Variants in PLS1 observed in about 807,000 individuals in gnomAD.
PLS1 encodes plastin 1.
Under a neutral mutation model 73.7 loss-of-function variants are expected in PLS1, and 32 were observed. The observed-to-expected ratio is 0.43, with a 90% confidence interval of 0.33 to 0.58. PLS1 has a LOEUF of 0.58. Among genes scored for constraint, PLS1 ranks in the 20% least tolerant of loss-of-function variants. The probability of loss-of-function intolerance (pLI) is 0.04; values close to 1 mark genes in which losing one functional copy is unlikely to be tolerated. For synonymous variants in PLS1, 217 were observed against 261.3 expected (o/e 0.83, Z 1.63); for missense variants, 633 against 740.5 (o/e 0.85, Z 1.68).
chr3:142,626,646 C>G (rs2036436220), intron 1 of PLS1, among the ~76,000 whole-genome samples: 1 of 151,898 alleles, frequency 6.6e-6, no homozygotes, highest in Non-Finnish European at 1.5e-5. Context: ...CTTTTTTGCC[C>G]AACATGTGAT....
intron 2 of PLS1, among the ~76,000 whole-genome samples, chr3:142,664,790 C>T (rs1390478762): frequency 1.3e-5 from 2 of 151,984 alleles, no homozygotes; most frequent in Non-Finnish European, 2.9e-5. Context: ...TTTTTAAAGG[C>T]CGTATGCCTT....
At chr3:142,697,838 A>T in intron 11 of PLS1, 115 bp from the exon 12 acceptor site, 1 of 599,142 alleles carries the variant, frequency 1.7e-6, no homozygotes, top group Non-Finnish European at 3.0e-6. Context: ...GTCATTCTTT[A>T]AGAATTAAAT....
rs1410608932 is a variant in PLS1, at chr3:142,711,596, A to C, written c.1725A>C (p.Leu575Phe). Residue 575 changes from leucine (L) to phenylalanine (F), a missense_variant, in exon 15 of 16, where the codon TTA becomes TTC. Coordinates refer to ENST00000457734, the MANE Select transcript of PLS1 (RefSeq NM_001145319.2). ...VRQEMIRREN[L>F]SDEDKLNNAK... ...AAGAAATGATCAGGAGAGAAAACTT[A>C]TCTGATGAGGACAAGCTGAACAATG... 1.2e-6 allele frequency: 2 copies of C among 1,608,964 alleles called. No homozygotes were observed. Among genetic ancestry groups the C allele is most frequent in the South Asian group, 2.2e-5 (2 of 90,408 alleles).
chr3:142,600,974 A>G (rs1403377344), intron 1 of PLS1, among the ~76,000 whole-genome samples: 2 of 115,024 alleles, frequency 1.7e-5, no homozygotes, highest in Non-Finnish European at 1.7e-5. Flanking sequence ...CCCAGGCGGG[A>G]GTGCAGTGGC....
At chr3:142,679,760 C>G (rs2037807724) in intron 6 of PLS1, among the ~76,000 whole-genome samples, 1 of 152,086 alleles carries the variant, frequency 6.6e-6, no homozygotes, top group Non-Finnish European at 1.5e-5. Flanking sequence ...AATGCGGGCT[C>G]TTTTTTGGTT....
At chr3:142,635,660 C>T (rs1288829992) in intron 1 of PLS1, among the ~76,000 whole-genome samples, 3 of 152,074 alleles carry the variant, frequency 2.0e-5, no homozygotes, top group Non-Finnish European at 4.4e-5. Flanking sequence ...CAGTATTGTT[C>T]AGACATCAGT....
At chr3:142,685,847 A>G (rs1369409356) in intron 8 of PLS1, among the ~76,000 whole-genome samples, 1 of 152,204 alleles carries the variant, frequency 6.6e-6, no homozygotes, top group Non-Finnish European at 1.5e-5. Context: ...CCATCTTTGG[A>G]GACAATGACA....
chr3:142,598,544 CCT>C (rs2035852883), intron 1 of PLS1, among the ~76,000 whole-genome samples: 2 of 152,074 alleles, frequency 1.3e-5, no homozygotes, highest in South Asian at 4.2e-4. Context: ...CTGGATTAAG[CCT>C]GTGACTCAAA....
intron 9 of PLS1, among the ~76,000 whole-genome samples, 172 bp from the exon 10 acceptor site, chr3:142,689,446 A>G (rs1023513146): frequency 6.6e-6 from 1 of 151,750 alleles, no homozygotes; most frequent in Non-Finnish European, 1.5e-5. Flanking sequence ...AAATAAATAA[A>G]TAAATAAATA....
intron 4 of PLS1, among the ~76,000 whole-genome samples, chr3:142,674,140 G>C (rs113398930): frequency 0.035 from 5,252 of 152,010 alleles, 96 homozygotes; most frequent in South Asian, 0.057. Context: ...TATATTTCTG[G>C]TGGTGTGTGT....
chr3:142,620,937 T>C (rs2036303542), intron 1 of PLS1, among the ~76,000 whole-genome samples: 1 of 152,044 alleles, frequency 6.6e-6, no homozygotes, highest in African/African-American at 2.4e-5. Flanking sequence ...AGAATGCTTG[T>C]ACTTGGGAGG....
rs145644497 is a variant in PLS1, at chr3:142,677,211, C to T, written c.498-821C>T. ...TGGTCTTAGATGAAATCTCTGGCTT[C>T]GTATCTTTCTGCAACAACAGTAATT... On this transcript the variant is annotated intron_variant, in intron 5 of 15. Transcript: ENST00000457734. Among the ~76,000 whole-genome samples the T allele has an allele frequency of 5.9e-3, 902 of 152,218 alleles. 3 individuals carry two copies. Among genetic ancestry groups the T allele is most frequent in the Admixed American group, 0.012 (176 of 15,282 alleles).
At chr3:142,661,527 A>G (rs1447973953) in intron 1 of PLS1, among the ~76,000 whole-genome samples, 1 of 152,226 alleles carries the variant, frequency 6.6e-6, no homozygotes, top group African/African-American at 2.4e-5. Context: ...CAAATGAGCC[A>G]TACTCTTAGA....
chr3:142,597,460 A>G (rs932594920), intron 1 of PLS1: 4 of 151,934 alleles, frequency 2.6e-5, no homozygotes, highest in Admixed American at 6.6e-5. Flanking sequence ...GCATATATAT[A>G]TATAGAGAGA....
chr3:142,691,034 A>G (rs2038075030), intron 10 of PLS1, among the ~76,000 whole-genome samples: 1 of 152,148 alleles, frequency 6.6e-6, no homozygotes, highest in African/African-American at 2.4e-5. Flanking sequence ...CTCAGTGTTC[A>G]TTCTCTCACA....
chr3:142,658,685 T>A lies in PLS1; in HGVS notation c.-36-5517T>A, dbSNP rs930575969. 5.3e-5 allele frequency among the ~76,000 whole-genome samples: 8 copies of A among 152,332 alleles called. 1 individual carries two copies. In the South Asian group the frequency reaches 1.2e-3, roughly 24 times the overall value. On this transcript the variant is annotated intron_variant, in intron 1 of 15. Coordinates refer to ENST00000457734, the MANE Select transcript of PLS1 (RefSeq NM_001145319.2). ...AATAAATAGTATATTGTATGTATAC[T>A]TCAGCAGTTTGCTTTTTTCATTTAG...
At chr3:142,678,884 C>T (rs557457541) in intron 6 of PLS1, among the ~76,000 whole-genome samples, 2 of 152,034 alleles carry the variant, frequency 1.3e-5, no homozygotes, top group Admixed American at 1.3e-4. Context: ...TTTACAGTCC[C>T]ACCAACAGTG....
chr3:142,711,712 ATATTTTTAAATATAACT>A, intron 15 of PLS1, 87 bp downstream of exon 15: 1 of 1,312,212 alleles, frequency 7.6e-7, no homozygotes, highest in Non-Finnish European at 1.1e-6. Flanking sequence ...CTTAAAATTC[ATATTTTTAAATATAACT>A]TATATGTGAG....
At chr3:142,701,583 T>C (rs2038333189) in intron 12 of PLS1, among the ~76,000 whole-genome samples, 1 of 152,214 alleles carries the variant, frequency 6.6e-6, no homozygotes, top group Non-Finnish European at 1.5e-5. Context: ...CTCTTAGAAG[T>C]GTTCTGCCAA....
Sources: allele counts gnomAD v4.1 joint callset (sites outside exome capture counted in the v4.1 genomes callset), GRCh38; gene constraint gnomAD v4.1.1; transcripts MANE v1.5; gene names NCBI Gene and HGNC (gene_info 2026-07-23, HGNC 2026-07-21).